LRRC63: variants seen among roughly 807,000 people sequenced by gnomAD.
LRRC63 encodes the protein leucine-rich repeat-containing protein 63.
LRRC63 carries 40 observed loss-of-function variants against 49.5 expected under a neutral mutation model. The ratio of observed to expected loss-of-function variants is 0.81; its 90% CI spans 0.63 to 1.05. The LOEUF is 1.05. Among genes scored for constraint, LRRC63 ranks in the 50% least tolerant of loss-of-function variants. The probability of loss-of-function intolerance (pLI) is 0.00; values close to 1 mark genes in which losing one functional copy is unlikely to be tolerated. For missense variants in LRRC63, 636 were observed against 663.1 expected, an observed-to-expected ratio of 0.96 and a Z score of 0.45; for synonymous variants, 191 against 221.1, an observed-to-expected ratio of 0.86 and a Z score of 1.21.
chr13:46,257,592 TGA>T (rs1479446569), intron 7 of LRRC63, among the ~76,000 whole-genome samples: 1 of 151,516 alleles, frequency 6.6e-6, no homozygotes, highest in African/African-American at 2.4e-5. Flanking sequence ...TAAAAGGGAG[TGA>T]GAGTGTGATT....
At chr13:46,261,293 GC>G (rs1159375320) in intron 7 of LRRC63, among the ~76,000 whole-genome samples, 1 of 152,228 alleles carries the variant, frequency 6.6e-6, no homozygotes, top group Non-Finnish European at 1.5e-5. Context: ...TTTGGAGATA[GC>G]GTCTTTGCAG....
At chr13:46,211,939 T>C (rs1432369980), upstream of LRRC63, 1 of 152,882 alleles carries the variant, frequency 6.5e-6, no homozygotes, top group Non-Finnish European at 1.5e-5. Context: ...GTGGCTGGGC[T>C]GGCTTAGCGG....
At chr13:46,230,634 C>A (rs2046723614) in intron 4 of LRRC63, among the ~76,000 whole-genome samples, 3 of 152,136 alleles carry the variant, frequency 2.0e-5, no homozygotes. Flanking sequence ...GTCTTTGAGG[C>A]CTTGTTCCTC....
chr13:46,270,148 CA>C lies in LRRC63; in HGVS notation c.1550+3179del, dbSNP rs759936384. On this transcript the variant is annotated intron_variant, in intron 9 of 9. Transcript: ENST00000595396. ...TGGATCAATACTTCACTCGCTGGTA[CA>C]AAGCAGATGTCAAAGGAAGATCTTG... 5.5e-6 allele frequency: 4 copies of C among 722,638 alleles called. No homozygotes were observed. The East Asian group carries it at 1.0e-4, about 18-fold the overall frequency. The allele number at this position is 722,638 out of a possible 1,614,324, so 44.8% of individuals were successfully genotyped here. A position where few individuals can be genotyped will look rare whatever the true frequency, so the allele number is the denominator to read the frequency against.
At chr13:46,250,490 G>A in exon 7 of LRRC63, 1 of 1,524,262 alleles carries the variant, frequency 6.6e-7, no homozygotes. Context: ...TCTTCCAATT[G>A]GGTAAGGTTG....
chr13:46,220,599 A>G (rs1174463573), intron 2 of LRRC63, among the ~76,000 whole-genome samples: 1 of 149,402 alleles, frequency 6.7e-6, no homozygotes, highest in African/African-American at 2.5e-5. Flanking sequence ...CCCCCTTTCC[A>G]GGGTAGTGAA....
chr13:46,254,031 T>C (rs1405091562), intron 7 of LRRC63, among the ~76,000 whole-genome samples: 1 of 151,832 alleles, frequency 6.6e-6, no homozygotes, highest in Non-Finnish European at 1.5e-5. Context: ...GAACCAAGAG[T>C]ATCATGGAAG....
chr13:46,244,930 A>G (rs916565868), intron 5 of LRRC63, among the ~76,000 whole-genome samples: 5 of 152,342 alleles, frequency 3.3e-5, no homozygotes, highest in African/African-American at 1.2e-4. Flanking sequence ...CAAACTGGCT[A>G]ATGAAGAACC....
intron 6 of LRRC63, among the ~76,000 whole-genome samples, chr13:46,247,986 C>CA (rs1394792460): frequency 6.6e-6 from 1 of 151,526 alleles, no homozygotes; most frequent in South Asian, 2.1e-4. Context: ...AAATTATAGA[C>CA]AAAAAAGGAA....
chr13:46,215,539 CAGA>C (rs2046226499), intron 2 of LRRC63, among the ~76,000 whole-genome samples: 2 of 151,962 alleles, frequency 1.3e-5, no homozygotes, highest in African/African-American at 4.8e-5. Flanking sequence ...GGGTAGATTG[CAGA>C]AGTTTTCTCC....
chr13:46,228,192 A>G lies in LRRC63; in HGVS notation c.763+3A>G. The stretch of plus-strand genomic sequence containing the variant: ...ACCTCACAGGCAGTCTGTGATAGGT[A>G]AATACAATCTGAACACGGTATAATT... On this transcript the variant is annotated splice_donor_region_variant and intron_variant, in intron 3 of 9. Coordinates refer to ENST00000595396, the Ensembl canonical transcript of LRRC63. 1 of 1,533,530 alleles carries G rather than the reference A, an allele frequency of 6.5e-7. No homozygotes were observed. 95.0% of individuals were successfully genotyped at this position (1,533,530 alleles called of 1,614,324 possible).
At chr13:46,234,060 T>C in intron 4 of LRRC63, 132 bp from the exon 5 acceptor site, 1 of 767,518 alleles carries the variant, frequency 1.3e-6, no homozygotes, top group Middle Eastern at 3.7e-4. Flanking sequence ...CTATGGGGAA[T>C]CCCTGCCAGA....
intron 5 of LRRC63, among the ~76,000 whole-genome samples, chr13:46,235,217 G>A (rs1435950101): frequency 2.6e-5 from 4 of 152,164 alleles, no homozygotes; most frequent in Admixed American, 6.5e-5. Context: ...GATCTGAAAA[G>A]ATGAAGTTCT....
chr13:46,253,872 C>A (rs760456267), intron 7 of LRRC63, among the ~76,000 whole-genome samples: 3 of 152,114 alleles, frequency 2.0e-5, no homozygotes, highest in African/African-American at 4.8e-5. Context: ...TTTTAGATTT[C>A]TGTTTTTCAT....
In LRRC63 at chr13:46,242,679, CAT is replaced by C. The variant is rs374556122; in HGVS notation, c.991-3847_991-3846del. Reference sequence around the variant, plus strand: ...ATTTGAAGCACAAAGAATAAAGAAACATGTGACGTTCAACAGAGCCCCAGTAC... The same window carrying C: ...ATTTGAAGCACAAAGAATAAAGAAACGTGACGTTCAACAGAGCCCCAGTAC... On this transcript the variant is annotated intron_variant, in intron 5 of 9. Transcript: ENST00000595396. 4.5e-3 allele frequency among the ~76,000 whole-genome samples: 675 copies of C among 151,538 alleles called. 6 individuals are homozygous for C. The highest frequency in any genetic ancestry group is 0.016 in the African/African-American group (644 of 41,274).
chr13:46,213,119 G>A, exon 2 of LRRC63: 1 of 1,527,460 alleles, frequency 6.5e-7, no homozygotes, highest in Non-Finnish European at 8.9e-7. Context: ...AACCCATACA[G>A]GTATGTGTAT....
intron 5 of LRRC63, among the ~76,000 whole-genome samples, chr13:46,236,773 A>C (rs889544306): frequency 2.0e-5 from 3 of 152,164 alleles, no homozygotes; most frequent in Non-Finnish European, 4.4e-5. Context: ...GGTAAATATA[A>C]AAGTCAGTAT....
intron 9 of LRRC63, among the ~76,000 whole-genome samples, chr13:46,274,942 T>C (rs1388024099): frequency 6.6e-6 from 1 of 152,166 alleles, no homozygotes; most frequent in Non-Finnish European, 1.5e-5. Flanking sequence ...CTAAAACTCC[T>C]ATCTACCTGT....
chr13:46,221,665 C>T (rs950901204), intron 2 of LRRC63, among the ~76,000 whole-genome samples: 56 of 152,090 alleles, frequency 3.7e-4, no homozygotes, highest in African/African-American at 1.2e-3. Context: ...ATTTTGCTGT[C>T]TCTCAAGTGC....
Sources: allele counts gnomAD v4.1 joint callset (sites outside exome capture counted in the v4.1 genomes callset), GRCh38; gene constraint gnomAD v4.1.1; transcripts MANE v1.5; gene names NCBI Gene and HGNC (gene_info 2026-07-23, HGNC 2026-07-21).